The following GYG1 variants were observed in gnomAD, a reference collection of about 807,000 sequenced individuals.
The protein encoded by GYG1 is glycogenin-1.
GYG1 carries 44 observed loss-of-function variants against 41.9 expected under a neutral mutation model. The observed-to-expected ratio is 1.05, with a 90% CI of 0.83 to 1.35. The LOEUF (loss-of-function observed/expected upper bound fraction) is 1.35. Among genes scored for constraint, GYG1 ranks in the 40% most tolerant of loss-of-function variants. The pLI, the probability that GYG1 is intolerant of heterozygous loss-of-function variation, is 0.00. For synonymous variants in GYG1, 141 were observed against 158.1 expected (o/e 0.89, Z 0.81); for missense variants, 429 against 418.9 (o/e 1.02, Z -0.21).
intron 4 of GYG1, among the ~76,000 whole-genome samples, chr3:149,000,380 A>G (rs549931925): frequency 6.6e-6 from 1 of 152,224 alleles, no homozygotes; most frequent in Admixed American, 6.5e-5. Context: ...CTGTTGTGAA[A>G]TAGTTCTACA....
intron 4 of GYG1, among the ~76,000 whole-genome samples, chr3:149,002,438 CT>C (rs1306573347): frequency 6.6e-6 from 1 of 152,198 alleles, no homozygotes; most frequent in Non-Finnish European, 1.5e-5. Context: ...ACTTAATAAT[CT>C]TTTAACAAAG....
At chr3:148,997,115 T>A (rs1712848184) in intron 4 of GYG1, among the ~76,000 whole-genome samples, 1 of 151,968 alleles carries the variant, frequency 6.6e-6, no homozygotes, top group African/African-American at 2.4e-5. Context: ...TGTGAAAGAT[T>A]AACCTAAACT....
At chr3:149,017,582 GTTTTTT>G (rs58075146) in intron 5 of GYG1, among the ~76,000 whole-genome samples, 18 of 47,366 alleles carry the variant, frequency 3.8e-4, no homozygotes, top group African/African-American at 8.3e-4. Context: ...TTTTATTTAG[GTTTTTT>G]TTTTTTTTTT....
intron 5 of GYG1, among the ~76,000 whole-genome samples, chr3:149,013,753 T>C (rs1713865497): frequency 6.6e-6 from 1 of 152,210 alleles, no homozygotes; most frequent in Admixed American, 6.5e-5. Context: ...CTATCGTCCC[T>C]GTGTAGTTCT....
At position 148,995,589 on chromosome 3, in the gene GYG1, A is replaced by AGCAGTG. The variant is rs542046081; in HGVS notation, c.144-712_144-711insCAGTGG. Among the ~76,000 whole-genome samples the AGCAGTG allele has an allele frequency of 6.6e-5, 10 of 152,338 alleles. No individual in the cohort carries two copies. In the South Asian group the frequency reaches 2.1e-3, roughly 32 times the overall value. ...TCTTGCATTTCCTGTAACCACCATC[A>AGCAGTG]GTTGACTTTGGTCAGTGATTCTCCT... On this transcript the variant is annotated intron_variant, in intron 2 of 7. Coordinates refer to ENST00000345003, the MANE Select transcript of GYG1 (RefSeq NM_004130.4).
At chr3:148,993,187 T>A (rs745886233) in intron 1 of GYG1, among the ~76,000 whole-genome samples, 1 of 152,034 alleles carries the variant, frequency 6.6e-6, no homozygotes, top group Non-Finnish European at 1.5e-5. Context: ...TGGAGAAATC[T>A]TGAAGCCTGT....
At chr3:148,994,092 T>G in intron 1 of GYG1, 50 bp from the exon 2 acceptor site, 1 of 1,559,728 alleles carries the variant, frequency 6.4e-7, no homozygotes, top group Non-Finnish European at 8.8e-7. Flanking sequence ...GGAAAAGGCT[T>G]TCTCCAGATA....
intron 4 of GYG1, among the ~76,000 whole-genome samples, chr3:148,997,687 GA>G (rs1164316470): frequency 6.6e-6 from 1 of 152,194 alleles, no homozygotes; most frequent in Admixed American, 6.5e-5. Flanking sequence ...GGAGTTCTTT[GA>G]AAAATTATTT....
At chr3:149,001,875 C>T (rs1039502944) in intron 4 of GYG1, among the ~76,000 whole-genome samples, 5 of 152,090 alleles carry the variant, frequency 3.3e-5, no homozygotes, top group African/African-American at 1.2e-4. Flanking sequence ...GGAGGAAGAT[C>T]CCTATTACCT....
At chr3:149,016,946 C>T (rs1032829276) in intron 5 of GYG1, among the ~76,000 whole-genome samples, 2 of 152,128 alleles carry the variant, frequency 1.3e-5, no homozygotes, top group African/African-American at 4.8e-5. Flanking sequence ...GGATGCTTGA[C>T]ATTGCTGCCA....
intron 3 of GYG1, 63 bp from the exon 4 acceptor site, chr3:148,996,679 A>T (rs1458731437): frequency 6.8e-7 from 1 of 1,477,108 alleles, no homozygotes; most frequent in Non-Finnish European, 9.5e-7. Context: ...ACATAGGAAG[A>T]ACTCAAGAAG....
intron 5 of GYG1, among the ~76,000 whole-genome samples, chr3:149,016,697 G>A (rs1714069825): frequency 6.6e-6 from 1 of 152,172 alleles, no homozygotes; most frequent in East Asian, 1.9e-4. Context: ...CACCCTTTGT[G>A]TTCCTCAGGC....
At chr3:149,021,960 AGAG>A in intron 5 of GYG1, among the ~76,000 whole-genome samples, 1 of 152,288 alleles carries the variant, frequency 6.6e-6, no homozygotes, top group Non-Finnish European at 1.5e-5. Flanking sequence ...TGGCTCTAAC[AGAG>A]GATACCTGGT....
At chr3:148,992,388 TGTA>T (rs1319901334) in intron 1 of GYG1, 2 of 152,342 alleles carry the variant, frequency 1.3e-5, no homozygotes, top group African/African-American at 4.8e-5. Flanking sequence ...AGATTGCAGG[TGTA>T]ACCCAGAGTT....
chr3:148,994,552 A>G (rs1712682176), intron 2 of GYG1, among the ~76,000 whole-genome samples: 1 of 152,130 alleles, frequency 6.6e-6, no homozygotes, highest in Non-Finnish European at 1.5e-5. Flanking sequence ...CCTTCACTCC[A>G]TCCCCTCTGG....
At chr3:149,020,908 A>G (rs896378947) in intron 5 of GYG1, among the ~76,000 whole-genome samples, 4 of 152,142 alleles carry the variant, frequency 2.6e-5, no homozygotes, top group African/African-American at 9.7e-5. Context: ...TCTCATTCTT[A>G]TGTACTCTGT....
intron 4 of GYG1, among the ~76,000 whole-genome samples, chr3:148,999,954 C>G (rs1166377348): frequency 5.9e-5 from 9 of 152,182 alleles, no homozygotes; most frequent in Non-Finnish European, 1.2e-4. Context: ...TGTTTTTAAC[C>G]TCTTTCCTGT....
chr3:149,001,093 T>A (rs894044989), intron 4 of GYG1: 1 of 152,212 alleles, frequency 6.6e-6, no homozygotes, highest in Admixed American at 6.5e-5. Flanking sequence ...AAAAAAAGAA[T>A]GAAGGACTGA....
chr3:149,011,658 C>T (rs903373359), intron 5 of GYG1, among the ~76,000 whole-genome samples: 2 of 152,132 alleles, frequency 1.3e-5, no homozygotes, highest in Admixed American at 1.3e-4. Flanking sequence ...GAACCTTGGC[C>T]CTTTCTCTCA....
Sources: gnomAD v4.1 joint callset for allele counts (sites outside exome capture counted in the v4.1 genomes callset) on GRCh38, gnomAD v4.1.1 for gene constraint, MANE v1.5 for transcripts, NCBI Gene and HGNC (gene_info 2026-07-23, HGNC 2026-07-21) for gene names.